Variants in STMN4 observed in about 807,000 individuals in gnomAD.
The protein encoded by STMN4 is stathmin 4.
In STMN4, 12 loss-of-function variants were observed where a neutral mutation model predicts 29.1. The observed-to-expected ratio is 0.41, with a 90% CI of 0.26 to 0.67. STMN4 has a LOEUF of 0.67. Among genes scored for constraint, STMN4 ranks in the 30% least tolerant of loss-of-function variants. The pLI is 0.30. For synonymous variants in STMN4, 114 were observed against 105.3 expected (o/e 1.08, Z -0.51); for missense variants, 181 against 262.8 (o/e 0.69, Z 2.15).
At chr8:27,253,381 A>G (rs58803922) in intron 1 of STMN4, among the ~76,000 whole-genome samples, 1,585 of 152,302 alleles carry the variant, frequency 0.01, 37 homozygotes, top group African/African-American at 0.032. Context: ...AAGAGTATCT[A>G]ATGATTTTAT....
intron 1 of STMN4, among the ~76,000 whole-genome samples, chr8:27,246,980 C>T (rs12541011): frequency 0.13 from 20,039 of 152,040 alleles, 1,954 homozygotes; most frequent in East Asian, 0.41. Flanking sequence ...TGTGGCCAGG[C>T]GTGGTGCCTC....
intron 1 of STMN4, among the ~76,000 whole-genome samples, chr8:27,244,760 C>A (rs542647946): frequency 6.6e-6 from 1 of 152,168 alleles, no homozygotes; most frequent in African/African-American, 2.4e-5. Flanking sequence ...GGGGGCGGGG[C>A]AGGAGACAAA....
At position 27,236,614 on chromosome 8, in the gene STMN4, A is replaced by ATTCTCTC. The variant is rs1356076574; in HGVS notation, c.*231_*232insGAGAGAA. On this transcript the variant is annotated 3_prime_UTR_variant, in exon 7 of 7. Coordinates refer to ENST00000350889, the MANE Select transcript of STMN4 (RefSeq NM_030795.4). ...GTTCTTCTCCATCTCCCTTTCCCAAACTCTCTCCTCTCCCCTCTCCCACCC... is the reference window on the plus strand; with the variant it reads ...GTTCTTCTCCATCTCCCTTTCCCAAATTCTCTCCTCTCTCCTCTCCCCTCTCCCACCC... 4.2e-5 allele frequency: 17 copies of ATTCTCTC among 401,346 alleles called. No homozygotes were observed. The highest frequency in any genetic ancestry group is 7.0e-5 in the Non-Finnish European group (16 of 227,462). 24.9% of individuals were successfully genotyped at this position (401,346 alleles called of 1,614,324 possible). A position where few individuals can be genotyped will look rare whatever the true frequency, so the allele number is the denominator to read the frequency against.
At chr8:27,244,548 T>G (rs537205155) in intron 1 of STMN4, among the ~76,000 whole-genome samples, 2 of 152,032 alleles carry the variant, frequency 1.3e-5, no homozygotes, top group East Asian at 3.9e-4. Flanking sequence ...ACCCCCAGCA[T>G]TTGCCAGGGA....
In STMN4 at chr8:27,236,724, C is replaced by A; in HGVS notation, c.*122G>T. 1 of 834,370 alleles carries A rather than the reference C, an allele frequency of 1.2e-6. No homozygotes were observed. Among genetic ancestry groups the A allele is most frequent in the Non-Finnish European group, 1.8e-6 (1 of 564,468 alleles). 51.7% of individuals were successfully genotyped at this position (834,370 alleles called of 1,614,324 possible). ...AACACCAAAAGCAGAGGAAACGCCC[C>A]TTGGCCACCCCCCTCCCCCCAAACC... On this transcript the variant is annotated 3_prime_UTR_variant, in exon 7 of 7. Coordinates refer to ENST00000350889, the MANE Select transcript of STMN4 (RefSeq NM_030795.4).
intron 1 of STMN4, among the ~76,000 whole-genome samples, chr8:27,249,605 A>G (rs1169861634): frequency 1.3e-5 from 2 of 152,046 alleles, no homozygotes; most frequent in African/African-American, 2.4e-5. Flanking sequence ...TCTGTCCCCA[A>G]ACACCATCCT....
chr8:27,239,617 T>C, intron 6 of STMN4: 2 of 1,193,794 alleles, frequency 1.7e-6, no homozygotes, highest in Non-Finnish European at 2.3e-6. Flanking sequence ...ATCAAATCAA[T>C]CCATTCAGGG....
intron 6 of STMN4, chr8:27,239,381 G>C: frequency 1.5e-6 from 2 of 1,330,084 alleles, no homozygotes; most frequent in Non-Finnish European, 2.1e-6. Context: ...TCAGCAGAAC[G>C]GGCCGGTATT....
chr8:27,248,370 G>C (rs546048644), intron 1 of STMN4, among the ~76,000 whole-genome samples: 1 of 152,304 alleles, frequency 6.6e-6, no homozygotes, highest in South Asian at 2.1e-4. Flanking sequence ...ACCTTGCAAT[G>C]ACTGTGAACC....
At chr8:27,248,087 C>G (rs1383142048) in intron 1 of STMN4, among the ~76,000 whole-genome samples, 1 of 152,202 alleles carries the variant, frequency 6.6e-6, no homozygotes, top group East Asian at 1.9e-4. Context: ...CCCTCCAGCT[C>G]CTGCCTGGTG....
At chr8:27,252,774 A>G (rs2130156440) in intron 1 of STMN4, among the ~76,000 whole-genome samples, 1 of 152,344 alleles carries the variant, frequency 6.6e-6, no homozygotes, top group South Asian at 2.1e-4. Flanking sequence ...GCTCCATGTT[A>G]TGTCCTCATA....
chr8:27,240,997 T>C (rs1242846402), intron 5 of STMN4, 57 bp downstream of exon 5: 3 of 1,542,712 alleles, frequency 1.9e-6, no homozygotes, highest in Non-Finnish European at 2.6e-6. Flanking sequence ...ACCTGTCTTC[T>C]CCACCTCCCT....
Position 27,236,773 on chromosome 8 carries a change from G to T in STMN4, c.*73C>A. 1 of 1,373,676 alleles carries T rather than the reference G, an allele frequency of 7.3e-7. No individual in the cohort carries two copies. The allele number at this position is 1,373,676 out of a possible 1,614,324, so 85.1% of individuals were successfully genotyped here. A position where few individuals can be genotyped will look rare whatever the true frequency, so the allele number is the denominator to read the frequency against. The stretch of plus-strand genomic sequence containing the variant: ...CCCCAGTGCTGGGAGCGCAGCCGGC[G>T]GGCGAGGCTGCCTGGAACGTGGAGC... On this transcript the variant is annotated 3_prime_UTR_variant, in exon 7 of 7. Transcript: ENST00000350889.
chr8:27,239,660 C>T, intron 6 of STMN4: 2 of 1,395,702 alleles, frequency 1.4e-6, no homozygotes, highest in Non-Finnish European at 1.9e-6. Context: ...GCTTGTCTAT[C>T]TCTACTCCTT....
At chr8:27,238,480 A>C (rs977565633) in intron 6 of STMN4, among the ~76,000 whole-genome samples, 5 of 152,188 alleles carry the variant, frequency 3.3e-5, no homozygotes, top group African/African-American at 1.2e-4. Flanking sequence ...ATCACTCTAC[A>C]ATATGGACCT....
chr8:27,255,945 T>G (rs923894922), intron 1 of STMN4, among the ~76,000 whole-genome samples: 14 of 152,154 alleles, frequency 9.2e-5, no homozygotes, highest in African/African-American at 3.4e-4. Context: ...ATAGGTCCTT[T>G]AGAATGAAGT....
At chr8:27,251,286 G>GTA (rs149443281) in intron 1 of STMN4, among the ~76,000 whole-genome samples, 44 of 139,600 alleles carry the variant, frequency 3.2e-4, no homozygotes, top group Non-Finnish European at 4.2e-4. Flanking sequence ...ACGTATATAC[G>GTA]TATATATATA....
intron 1 of STMN4, among the ~76,000 whole-genome samples, chr8:27,245,085 G>A (rs1801588138): frequency 6.6e-6 from 1 of 152,212 alleles, no homozygotes; most frequent in African/African-American, 2.4e-5. Flanking sequence ...TTTAGGGCTA[G>A]ACCAGTGTGG....
rs757346969 is a variant in STMN4 at position 27,236,772 on chromosome 8, C to T, written c.*74G>A. ...ACCCCAGTGCTGGGAGCGCAGCCGG[C>T]GGGCGAGGCTGCCTGGAACGTGGAG... On this transcript the variant is annotated 3_prime_UTR_variant, in exon 7 of 7. Coordinates refer to ENST00000350889, the MANE Select transcript of STMN4 (RefSeq NM_030795.4). 36 of 1,383,612 alleles carry T rather than the reference C, an allele frequency of 2.6e-5. No homozygotes were observed. The highest frequency in any genetic ancestry group is 1.6e-4 in the African/African-American group (11 of 68,084). 85.7% of individuals were successfully genotyped at this position (1,383,612 alleles called of 1,614,324 possible). A position where few individuals can be genotyped will look rare whatever the true frequency, so the allele number is the denominator to read the frequency against.
Sources: gnomAD v4.1 joint callset for allele counts (sites outside exome capture counted in the v4.1 genomes callset) on GRCh38, gnomAD v4.1.1 for gene constraint, MANE v1.5 for transcripts, NCBI Gene and HGNC (gene_info 2026-07-23, HGNC 2026-07-21) for gene names.